Variants in SLC12A6 observed in about 807,000 individuals in gnomAD.
SLC12A6 encodes solute carrier family 12 member 6, also known as K-Cl cotransporter 3.
A neutral mutation model predicts 135.3 loss-of-function variants in SLC12A6; 66 were observed. That is an observed-to-expected ratio of 0.49 (90% CI 0.40 to 0.60). The LOEUF is 0.60. Ranked by LOEUF, SLC12A6 falls within the 20% of genes least tolerant of loss-of-function variation. The pLI, the probability that SLC12A6 is intolerant of heterozygous loss-of-function variation, is 0.00. For synonymous variants in SLC12A6, 513 were observed against 508.8 expected (o/e 1.01, Z -0.11); for missense variants, 1,058 against 1,452.3 (o/e 0.73, Z 4.41).
rs771970835 is a variant in SLC12A6 at position 34,238,983 on chromosome 15, C to A, written c.2614G>T (p.Ala872Ser). Residue 872 changes from alanine (A) to serine (S), a missense_variant, in exon 20 of 26, where the codon GCT (alanine) becomes TCT (serine). By Grantham distance (99) the Ala-to-Ser change is moderately conservative. This residue lies in a region of SLC12A6 where 245 missense variants were observed against 440.8 expected (regional missense o/e 0.56). Transcript: ENST00000354181. ...TTAGTACCAATAAAAGTCTTCCAAGCGCGGGCATCTTCGCTTTGACGCCAG... is the reference window on the plus strand; with the variant it reads ...TTAGTACCAATAAAAGTCTTCCAAGAGCGGGCATCTTCGCTTTGACGCCAG... ...NGWRQSEDAR[A>S]WKTFIGTVRV... 1 of 1,613,998 alleles carries A rather than the reference C, an allele frequency of 6.2e-7. No homozygotes were observed. Among genetic ancestry groups the A allele is most frequent in the Admixed American group, 1.7e-5 (1 of 60,024 alleles).
chr15:34,295,893 G>A (rs969325631), intron 2 of SLC12A6, among the ~76,000 whole-genome samples: 3 of 152,062 alleles, frequency 2.0e-5, no homozygotes, highest in East Asian at 1.9e-4. Context: ...CCAGCTACTC[G>A]GGAGGCTGAG....
intron 2 of SLC12A6, among the ~76,000 whole-genome samples, chr15:34,334,433 T>C (rs1890069033): frequency 6.6e-6 from 1 of 151,946 alleles, no homozygotes; most frequent in Non-Finnish European, 1.5e-5. Context: ...AAGATCTACA[T>C]CTAAATCTAA....
chr15:34,238,268 C>T lies in SLC12A6; in HGVS notation c.2766G>A (p.Met922Ile), dbSNP rs1891410612. ...TCAGTAGGAATGGTAGTAGCATAAGCATCCCCCCATCATGCACAATCCACC... is the reference window on the plus strand; with the variant it reads ...TCAGTAGGAATGGTAGTAGCATAAGTATCCCCCCATCATGCACAATCCACC... ...DVWWIVHDGG[M>I]LMLLPFLLKQ... Residue 922 changes from methionine (M) to isoleucine (I), a missense_variant, in exon 21 of 26, where the codon ATG becomes ATA. This residue lies in a region of SLC12A6 where 245 missense variants were observed against 440.8 expected (regional missense o/e 0.56). Transcript: ENST00000354181. 3 of 1,613,500 alleles carry T rather than the reference C, an allele frequency of 1.9e-6. No individual in the cohort carries two copies. Among genetic ancestry groups the T allele is most frequent in the South Asian group, 1.1e-5 (1 of 91,080 alleles).
At chr15:34,276,808 C>T (rs956254231) in intron 2 of SLC12A6, among the ~76,000 whole-genome samples, 1 of 152,128 alleles carries the variant, frequency 6.6e-6, no homozygotes, top group African/African-American at 2.4e-5. Flanking sequence ...AATCCATAGT[C>T]CACATATGTT....
Position 34,245,397 on chromosome 15 carries a change from CA to C in SLC12A6, c.1830del (p.Phe610LeufsTer16). Reference sequence around the variant, plus strand: ...GGTTCCCCATTGGCTTTGCTGTGGCCAAAAACCTGTACACAGAAGGGAAATA... The same window carrying C: ...GGTTCCCCATTGGCTTTGCTGTGGCCAAAACCTGTACACAGAAGGGAAATA... ...KDNIIPFLRVFGHSKANGEPT... is the reference protein window; with the variant it reads ...KDNIIPFLRVXGHSKANGEPT... On this transcript the variant is annotated frameshift_variant, in exon 15 of 26. Coordinates refer to ENST00000354181, the MANE Select transcript of SLC12A6 (RefSeq NM_001365088.1). LOFTEE classifies it high-confidence loss of function. 6.4e-6 allele frequency: 10 copies of C among 1,574,424 alleles called. No homozygotes were observed. The highest frequency in any genetic ancestry group is 7.9e-6 in the Non-Finnish European group (9 of 1,143,872).
rs1891946382 is a variant in SLC12A6, at chr15:34,245,856, G to A, written c.1661C>T (p.Ala554Val). ...GVVLRDKFGD[A>V]VKGNLVVGTL... ...GCCTACCACCAAATTACCTTTCACAGCATCACCGAACCTGGGAAAGAAATA... is the reference window on the plus strand; with the variant it reads ...GCCTACCACCAAATTACCTTTCACAACATCACCGAACCTGGGAAAGAAATA... Residue 554 changes from alanine (A) to valine (V), a missense_variant, in exon 14 of 26, where the codon GCT (alanine) becomes GTT (valine). By Grantham distance (64) the Ala-to-Val change is moderately conservative. This residue lies in a region of SLC12A6 where 170 missense variants were observed against 297.6 expected (regional missense o/e 0.57). Transcript: ENST00000354181. 1 of 1,611,652 alleles carries A rather than the reference G, an allele frequency of 6.2e-7. No individual in the cohort carries two copies. Among genetic ancestry groups the A allele is most frequent in the Admixed American group, 1.7e-5 (1 of 59,984 alleles).
At chr15:34,252,487 G>A (rs1892463337) in intron 9 of SLC12A6, 103 bp from the exon 10 acceptor site, 1 of 713,928 alleles carries the variant, frequency 1.4e-6, no homozygotes, top group Non-Finnish European at 2.5e-6. Flanking sequence ...ATCTTTAAGA[G>A]CTTCTACTGT....
intron 2 of SLC12A6, among the ~76,000 whole-genome samples, chr15:34,335,227 C>T (rs1890120755): frequency 6.6e-6 from 1 of 152,174 alleles, no homozygotes; most frequent in Non-Finnish European, 1.5e-5. Context: ...CAACCTATGT[C>T]TCCATAAAAG....
intron 2 of SLC12A6, among the ~76,000 whole-genome samples, chr15:34,322,616 A>G (rs1889174358): frequency 1.3e-5 from 2 of 152,250 alleles, no homozygotes; most frequent in Middle Eastern, 3.4e-3. Context: ...AATGTTAATG[A>G]TAGTATCTAG....
chr15:34,266,561 C>T (rs1893537341), intron 3 of SLC12A6, among the ~76,000 whole-genome samples: 1 of 152,162 alleles, frequency 6.6e-6, no homozygotes, highest in African/African-American at 2.4e-5. Flanking sequence ...CCCACCTCAG[C>T]CTCCCAAGTA....
intron 2 of SLC12A6, among the ~76,000 whole-genome samples, chr15:34,289,254 T>C (rs1895343089): frequency 6.6e-6 from 1 of 152,236 alleles, no homozygotes; most frequent in South Asian, 2.1e-4. Context: ...ATGTGGTTTT[T>C]GTCATTGGTT....
At chr15:34,305,644 T>C (rs775158638) in intron 2 of SLC12A6, among the ~76,000 whole-genome samples, 11 of 152,126 alleles carry the variant, frequency 7.2e-5, no homozygotes, top group Non-Finnish European at 1.3e-4. Flanking sequence ...TGTGTGAGGA[T>C]AAATGGAGTC....
chr15:34,262,087 G>A (rs371657787), intron 3 of SLC12A6, among the ~76,000 whole-genome samples: 1 of 152,144 alleles, frequency 6.6e-6, no homozygotes, highest in South Asian at 2.1e-4. Context: ...CAACCTTCAA[G>A]CCAAAGACAG....
At chr15:34,297,295 T>C (rs559816973) in intron 2 of SLC12A6, among the ~76,000 whole-genome samples, 2 of 152,264 alleles carry the variant, frequency 1.3e-5, no homozygotes, top group South Asian at 4.1e-4. Context: ...ACAACGTTCC[T>C]TTTTAAAAGG....
At chr15:34,277,944 T>C (rs940258851) in intron 2 of SLC12A6, among the ~76,000 whole-genome samples, 5 of 152,238 alleles carry the variant, frequency 3.3e-5, no homozygotes, top group African/African-American at 9.6e-5. Flanking sequence ...TGAGAACTTA[T>C]GTTCTTGCTT....
chr15:34,272,248 C>T (rs370376052), intron 3 of SLC12A6, among the ~76,000 whole-genome samples: 2 of 152,142 alleles, frequency 1.3e-5, no homozygotes, highest in African/African-American at 2.4e-5. Flanking sequence ...GGATTACAGG[C>T]GTGGTGAACC....
intron 3 of SLC12A6, among the ~76,000 whole-genome samples, chr15:34,273,032 T>C (rs1041084754): frequency 7.2e-5 from 11 of 152,302 alleles, no homozygotes; most frequent in African/African-American, 2.6e-4. Flanking sequence ...TTTTGAGCAA[T>C]GTATAGAAAC....
At chr15:34,235,596 G>A (rs773662690) in intron 24 of SLC12A6, among the ~76,000 whole-genome samples, 4 of 151,540 alleles carry the variant, frequency 2.6e-5, no homozygotes, top group South Asian at 2.1e-4. Flanking sequence ...CACCATACCC[G>A]GCTAATTTTT....
At chr15:34,279,177 T>C (rs963074879) in intron 2 of SLC12A6, among the ~76,000 whole-genome samples, 2 of 151,750 alleles carry the variant, frequency 1.3e-5, no homozygotes, top group African/African-American at 4.8e-5. Flanking sequence ...TAGCTGGGCA[T>C]GGTGATGCGC....
Sources: gnomAD v4.1 joint callset for allele counts (sites outside exome capture counted in the v4.1 genomes callset) on GRCh38, gnomAD v4.1.1 for gene constraint, gnomAD v4.1.1 regional missense constraint, MANE v1.5 for transcripts, NCBI Gene and HGNC (gene_info 2026-07-23, HGNC 2026-07-21) for gene names.